Variants in EXOC3L4 observed in about 807,000 individuals in gnomAD.
EXOC3L4 encodes exocyst complex component 3 like 4, also known as exocyst complex component 3-like protein 4.
Under a neutral mutation model 69.7 loss-of-function variants are expected in EXOC3L4, and 62 were observed. The observed-to-expected ratio is 0.89, with a 90% CI of 0.72 to 1.10. The LOEUF (loss-of-function observed/expected upper bound fraction) is 1.10. EXOC3L4 is among the 50% of genes least tolerant of loss of function. EXOC3L4 has a pLI of 0.00. For synonymous variants in EXOC3L4, 502 were observed against 464.2 expected (o/e 1.08, Z -1.05); for missense variants, 1,087 against 1,034.8 (o/e 1.05, Z -0.69).
Position 103,102,624 on chromosome 14 carries a change from T to G in EXOC3L4, c.901T>G (p.Tyr301Asp). 6.7e-7 allele frequency: 1 copy of G among 1,498,574 alleles called. No individual in the cohort carries two copies. Among genetic ancestry groups the G allele is most frequent in the Non-Finnish European group, 8.9e-7 (1 of 1,129,162 alleles). The allele number at this position is 1,498,574 out of a possible 1,614,324, so 92.8% of individuals were successfully genotyped here. Residue 301 changes from tyrosine to aspartate, a missense_variant, in exon 3 of 12, where the codon TAT becomes GAT. Tyr to Asp is a radical substitution (Grantham distance 160). Coordinates refer to ENST00000688303, the MANE Select transcript of EXOC3L4 (RefSeq NM_001077594.2). ...GGTGCGGCAGGAGGTGCAGCCCGCG[T>G]ATGCGGCGGCCGGCTTCCCAGCGTG... ...QKVRQEVQPA[Y>D]AAAGFPAWEV... is the part of the protein sequence containing the mutation.
intron 10 of EXOC3L4, 133 bp downstream of exon 10, chr14:103,107,916 G>A: frequency 2.3e-6 from 3 of 1,328,364 alleles, no homozygotes; most frequent in Non-Finnish European, 3.0e-6. Flanking sequence ...AACAGGGACT[G>A]GGGCGCCTGT....
intron 1 of EXOC3L4, 59 bp from the exon 2 acceptor site, chr14:103,100,145 C>A: frequency 6.9e-7 from 1 of 1,452,518 alleles, no homozygotes; most frequent in East Asian, 2.5e-5. Flanking sequence ...TGGCCAGGCC[C>A]CACAGGGCCA....
chr14:103,109,780 C>T (rs530619220), intron 11 of EXOC3L4, among the ~76,000 whole-genome samples: 7 of 149,228 alleles, frequency 4.7e-5, no homozygotes, highest in African/African-American at 9.8e-5. Context: ...CACGCCTTTG[C>T]GTGGGCTCTT....
At chr14:103,105,171 G>A (rs1890472657) in intron 7 of EXOC3L4, 99 bp downstream of exon 7, 6 of 1,202,366 alleles carry the variant, frequency 5.0e-6, no homozygotes, top group Non-Finnish European at 7.0e-6. Context: ...CGTGGAGGGG[G>A]CAGAGGTGAG....
At position 103,102,429 on chromosome 14, in the gene EXOC3L4, C is replaced by G; in HGVS notation, c.706C>G (p.Arg236Gly). 1 of 1,516,930 alleles carries G rather than the reference C, an allele frequency of 6.6e-7. No individual in the cohort carries two copies. The highest frequency in any genetic ancestry group is 8.8e-7 in the Non-Finnish European group (1 of 1,141,126). 94.0% of individuals were successfully genotyped at this position (1,516,930 alleles called of 1,614,324 possible). A position where few individuals can be genotyped will look rare whatever the true frequency, so the allele number is the denominator to read the frequency against. Residue 236 changes from arginine (R) to glycine (G), a missense_variant, in exon 3 of 12, where the codon CGC becomes GGC. Physicochemically the swap from Arg to Gly is moderately radical, Grantham distance 125 (BLOSUM62 -2). Coordinates refer to ENST00000688303, the MANE Select transcript of EXOC3L4 (RefSeq NM_001077594.2). ...PSPPDDGDFL[R>G]TPRRWRQHWE... The stretch of plus-strand genomic sequence containing the variant: ...TCCCCCCGACGACGGCGACTTCCTG[C>G]GCACGCCGCGCCGCTGGCGCCAGCA...
Position 103,100,568 on chromosome 14 carries a change from CA to C in EXOC3L4, c.350del (p.Gln117ArgfsTer11), listed in dbSNP as rs771058786. On this transcript the variant is annotated frameshift_variant, in exon 2 of 12. Coordinates refer to ENST00000688303, the MANE Select transcript of EXOC3L4 (RefSeq NM_001077594.2). LOFTEE classifies it high-confidence loss of function. The stretch of plus-strand genomic sequence containing the variant: ...GGGGGTCATGAATGGTGTCAGCCAG[CA>C]GGCATCCACTGGGGCAGCGTCTGAG... ...PSGVMNGVSQ[Q>X]ASTGAASEEL... is the part of the protein sequence containing the mutation. 5 of 1,609,704 alleles carry C rather than the reference CA, an allele frequency of 3.1e-6. No individual in the cohort carries two copies. The highest frequency in any genetic ancestry group is 4.2e-6 in the Non-Finnish European group (5 of 1,177,286).
chr14:103,107,280 C>T (rs1890614294), intron 8 of EXOC3L4, 144 bp from the exon 9 acceptor site: 4 of 1,303,658 alleles, frequency 3.1e-6, no homozygotes, highest in Non-Finnish European at 4.2e-6. Flanking sequence ...GGAAAGGGCT[C>T]GTGACATAAC....
chr14:103,104,338 C>T lies in EXOC3L4; in HGVS notation c.1233C>T (p.Pro411=), dbSNP rs768212929. 3 of 1,591,676 alleles carry T rather than the reference C, an allele frequency of 1.9e-6. No homozygotes were observed. The highest frequency in any genetic ancestry group is 1.1e-5 in the South Asian group (1 of 87,548). Residue 411 remains proline, a synonymous_variant, in exon 5 of 12, where the codon CCC becomes CCT. Coordinates refer to ENST00000688303, the MANE Select transcript of EXOC3L4 (RefSeq NM_001077594.2). The part of the protein sequence containing the change: ...EQSHWAAAEV[P]EVLQGLYQAP... ...GTCACTGGGCGGCCGCCGAGGTCCCCGAGGTGCTGCAGGGCCTCTACCAGG... is the reference window on the plus strand; with the variant it reads ...GTCACTGGGCGGCCGCCGAGGTCCCTGAGGTGCTGCAGGGCCTCTACCAGG...
chr14:103,102,473 G>A lies in EXOC3L4; in HGVS notation c.750G>A (p.Arg250=), dbSNP rs1395199561. ...RWRQHWEEAV[R]RSAQERVRRP... ...GCCAGCACTGGGAGGAGGCGGTGCGGCGAAGCGCTCAGGAGCGCGTGCGGC... is the reference window on the plus strand; with the variant it reads ...GCCAGCACTGGGAGGAGGCGGTGCGACGAAGCGCTCAGGAGCGCGTGCGGC... The change falls in exon 3 of 12, where the codon CGG becomes CGA. Residue 250 remains arginine (R), a synonymous_variant. Coordinates refer to ENST00000688303, the MANE Select transcript of EXOC3L4 (RefSeq NM_001077594.2). 4 of 1,443,934 alleles carry A rather than the reference G, an allele frequency of 2.8e-6. No individual in the cohort carries two copies. The highest frequency in any genetic ancestry group is 3.0e-5 in the African/African-American group (2 of 66,602). The allele number at this position is 1,443,934 out of a possible 1,614,324, so 89.4% of individuals were successfully genotyped here.
rs1014361046 is a variant in EXOC3L4, at chr14:103,110,318, C to T, written c.*95C>T. On this transcript the variant is annotated 3_prime_UTR_variant, in exon 12 of 12. Coordinates refer to ENST00000688303, the MANE Select transcript of EXOC3L4 (RefSeq NM_001077594.2). ...CAGGGAGTCACTCTGGGCCCTGCCC[C>T]CAACTCTGACACTGCAGTTAGGGAA... 3.6e-6 allele frequency: 5 copies of T among 1,375,600 alleles called. No homozygotes were observed. The African/African-American group carries it at 5.7e-5, about 16-fold the overall frequency. 85.2% of individuals were successfully genotyped at this position (1,375,600 alleles called of 1,614,324 possible).
At chr14:103,100,047 C>G in intron 1 of EXOC3L4, 157 bp from the exon 2 acceptor site, 1 of 786,842 alleles carries the variant, frequency 1.3e-6, no homozygotes, top group East Asian at 2.8e-5. Context: ...TGAGGGCTCT[C>G]GCCAAGAGAG....
At chr14:103,104,098 G>A (rs777934881) in intron 4 of EXOC3L4, 46 bp downstream of exon 4, 3 of 1,472,366 alleles carry the variant, frequency 2.0e-6, no homozygotes, top group African/African-American at 1.4e-5. Context: ...TGGAGGGGGC[G>A]GGCCCTGGGG....
At chr14:103,103,829 T>A in intron 3 of EXOC3L4, 112 bp from the exon 4 acceptor site, 1 of 650,120 alleles carries the variant, frequency 1.5e-6, no homozygotes, top group Non-Finnish European at 2.7e-6. Context: ...TGTGTGTGTG[T>A]ACAGATGCCC....
intron 7 of EXOC3L4, among the ~76,000 whole-genome samples, chr14:103,106,144 G>A (rs1164663538): frequency 6.6e-6 from 1 of 152,266 alleles, no homozygotes; most frequent in Non-Finnish European, 1.5e-5. Flanking sequence ...CACAGGCCTG[G>A]AAAGGAGGTG....
chr14:103,108,326 G>T (rs1890696879), intron 10 of EXOC3L4, 70 bp from the exon 11 acceptor site: 1 of 1,582,138 alleles, frequency 6.3e-7, no homozygotes. Flanking sequence ...CACTGACCTC[G>T]CGCTCTTGCA....
At position 103,095,064 on chromosome 14, in the gene EXOC3L4, A is replaced by G. The variant is rs12880500; in HGVS notation, c.-17+224A>G. Among the ~76,000 whole-genome samples, 1,442 of 152,336 alleles carry G rather than the reference A, an allele frequency of 9.5e-3. 10 individuals are homozygous for G. Among genetic ancestry groups the G allele is most frequent in the Non-Finnish European group, 0.016 (1,089 of 68,028 alleles). On this transcript the variant is annotated intron_variant, in intron 1 of 11. Transcript: ENST00000688303. Reference sequence around the variant, plus strand: ...ATAGACAGACACAGAAGACACCAAGATGGGCATGCAGGCACAGACACAGAC... The same window carrying G: ...ATAGACAGACACAGAAGACACCAAGGTGGGCATGCAGGCACAGACACAGAC...
rs1595248171 is a variant in EXOC3L4, at chr14:103,104,718, G to A, written c.1285-20G>A. ...GGTCGGGGGCTGGGAGGCACGCTCA[G>A]TGCGGGGCTTCGCTCGCAGCTCGTG... On this transcript the variant is annotated intron_variant, in intron 5 of 11. Coordinates refer to ENST00000688303, the MANE Select transcript of EXOC3L4 (RefSeq NM_001077594.2). The A allele has an allele frequency of 3.4e-6, 5 of 1,483,278 alleles. No homozygotes were observed. The highest frequency in any genetic ancestry group is 4.5e-6 in the Non-Finnish European group (5 of 1,118,906). 91.9% of individuals were successfully genotyped at this position (1,483,278 alleles called of 1,614,324 possible).
chr14:103,100,283 C>T lies in EXOC3L4; in HGVS notation c.64C>T (p.Pro22Ser). ...ELQSPKEAEE[P>S]QTPAQGSRRT... ...GCAGAGTCCCAAGGAGGCTGAGGAGCCACAGACTCCAGCTCAGGGCTCCCG... is the reference window on the plus strand; with the variant it reads ...GCAGAGTCCCAAGGAGGCTGAGGAGTCACAGACTCCAGCTCAGGGCTCCCG... The change falls in exon 2 of 12, where the codon CCA (proline) becomes TCA (serine). Residue 22 changes from proline (P) to serine (S), a missense_variant. Transcript: ENST00000688303. 1 of 1,578,378 alleles carries T rather than the reference C, an allele frequency of 6.3e-7. No homozygotes were observed. The highest frequency in any genetic ancestry group is 8.6e-7 in the Non-Finnish European group (1 of 1,161,208).
chr14:103,100,304 T>C lies in EXOC3L4; in HGVS notation c.85T>C (p.Ser29Pro), dbSNP rs1300108302. Residue 29 changes from serine to proline, a missense_variant, in exon 2 of 12, where the codon TCC becomes CCC. By Grantham distance (74) the Ser-to-Pro change is moderately conservative (BLOSUM62 -1). Coordinates refer to ENST00000688303, the MANE Select transcript of EXOC3L4 (RefSeq NM_001077594.2). ...GGAGCCACAGACTCCAGCTCAGGGC[T>C]CCCGGCGAACAAGCAGCAGGAAAGA... ...AEEPQTPAQGSRRTSSRKEPN... is the reference protein window; with the variant it reads ...AEEPQTPAQGPRRTSSRKEPN... 6.9e-6 allele frequency: 11 copies of C among 1,583,522 alleles called. No individual in the cohort carries two copies. Among genetic ancestry groups the C allele is most frequent in the Non-Finnish European group, 9.4e-6 (11 of 1,164,022 alleles).
Sources: allele counts gnomAD v4.1 joint callset (sites outside exome capture counted in the v4.1 genomes callset), GRCh38; gene constraint gnomAD v4.1.1; transcripts MANE v1.5; gene names NCBI Gene and HGNC (gene_info 2026-07-23, HGNC 2026-07-21).